FOXP1: variants seen among roughly 807,000 people sequenced by gnomAD.
FOXP1 encodes the protein forkhead box P1.
A neutral mutation model predicts 98.2 loss-of-function variants in FOXP1; 15 were observed. That is an observed-to-expected ratio of 0.15 (90% CI 0.10 to 0.24). The LOEUF is 0.24. Ranked by LOEUF, FOXP1 falls within the 10% of genes least tolerant of loss-of-function variation. FOXP1 has a pLI of 1.00. For synonymous variants in FOXP1, 371 were observed against 314.5 expected (o/e 1.18, Z -1.90); for missense variants, 633 against 848.5 (o/e 0.75, Z 3.15).
chr3:71,348,534 T>TGC lies in FOXP1; in HGVS notation c.-73+10615_-73+10616insGC, dbSNP rs762815816. ...GTGTGTGTGTGTGCGTGTGTGTGTG[T>TGC]GTGTGTGTGTGTGTGCGTGCGCGCG... On this transcript the variant is annotated intron_variant, in intron 4 of 20. Transcript: ENST00000649528. Among the ~76,000 whole-genome samples, 375 of 128,320 alleles carry TGC rather than the reference T, an allele frequency of 2.9e-3. 5 individuals are homozygous for TGC. Among genetic ancestry groups the TGC allele is most frequent in the Non-Finnish European group, 5.1e-3 (283 of 55,632 alleles). 84.2% of individuals were successfully genotyped at this position (128,320 alleles called of 152,430 possible). A position where few individuals can be genotyped will look rare whatever the true frequency, so the allele number is the denominator to read the frequency against.
At chr3:71,263,928 T>C (rs542576533) in intron 5 of FOXP1, among the ~76,000 whole-genome samples, 4 of 151,176 alleles carry the variant, frequency 2.6e-5, no homozygotes, top group Admixed American at 2.0e-4. Context: ...TTTTTTTTTT[T>C]AAATTAGAGA....
chr3:71,354,317 A>G (rs1287254381), intron 4 of FOXP1, among the ~76,000 whole-genome samples: 1 of 152,100 alleles, frequency 6.6e-6, no homozygotes, highest in East Asian at 1.9e-4. Context: ...ATTTAAGGAA[A>G]TTTAAGATGC....
intron 14 of FOXP1, among the ~76,000 whole-genome samples, chr3:70,980,370 C>G (rs1262741920): frequency 6.6e-6 from 1 of 152,136 alleles, no homozygotes; most frequent in Admixed American, 6.5e-5. Flanking sequence ...AATCTCAGAG[C>G]GCTTTGGAAA....
At chr3:71,121,135 G>C (rs765470635) in intron 6 of FOXP1, among the ~76,000 whole-genome samples, 1 of 150,556 alleles carries the variant, frequency 6.6e-6, no homozygotes, top group Non-Finnish European at 1.5e-5. Flanking sequence ...CATTAGCGTT[G>C]TGAGCTCAAA....
At chr3:71,480,492 C>T (rs962313032) in intron 3 of FOXP1, among the ~76,000 whole-genome samples, 23 of 152,212 alleles carry the variant, frequency 1.5e-4, no homozygotes, top group African/African-American at 5.1e-4. Flanking sequence ...CACAATGTTT[C>T]GTTCCCAAAT....
intron 6 of FOXP1, among the ~76,000 whole-genome samples, chr3:71,166,307 C>T (rs977922214): frequency 1.3e-5 from 2 of 152,110 alleles, no homozygotes; most frequent in African/African-American, 4.8e-5. Flanking sequence ...GAGCCGCTAG[C>T]GTGACCATCA....
intron 3 of FOXP1, among the ~76,000 whole-genome samples, chr3:71,376,551 G>GC (rs1335267637): frequency 6.6e-6 from 1 of 152,192 alleles, no homozygotes; most frequent in African/African-American, 2.4e-5. Context: ...TATTCATTTA[G>GC]TAGAAATACC....
intron 6 of FOXP1, 73 bp downstream of exon 6, chr3:71,198,129 C>T (rs878965207): frequency 8.7e-6 from 14 of 1,613,044 alleles, no homozygotes; most frequent in East Asian, 4.5e-5. Context: ...CGCGAGATCG[C>T]GATTAAGTGT....
chr3:71,182,976 T>C (rs971013346), intron 6 of FOXP1, among the ~76,000 whole-genome samples: 9 of 152,176 alleles, frequency 5.9e-5, no homozygotes, highest in Admixed American at 5.9e-4. Flanking sequence ...TTAAATGTTC[T>C]ACATTTTAAT....
At chr3:71,555,538 T>C (rs1245496062) in intron 2 of FOXP1, among the ~76,000 whole-genome samples, 1 of 152,184 alleles carries the variant, frequency 6.6e-6, no homozygotes, top group Non-Finnish European at 1.5e-5. Flanking sequence ...TAAACTGACA[T>C]AAATAGTCAC....
At chr3:71,376,840 G>T (rs1467464661) in intron 3 of FOXP1, among the ~76,000 whole-genome samples, 1 of 152,084 alleles carries the variant, frequency 6.6e-6, no homozygotes, top group East Asian at 1.9e-4. Flanking sequence ...CCAGAATGTA[G>T]AAACTGATGC....
In FOXP1 at chr3:71,211,701, T is replaced by A. The variant is rs556096462; in HGVS notation, c.-11-13309A>T. On this transcript the variant is annotated intron_variant, in intron 5 of 20. Coordinates refer to ENST00000649528, the MANE Select transcript of FOXP1 (RefSeq NM_001349338.3). The stretch of plus-strand genomic sequence containing the variant: ...AAGATTGGGAAGGACTGATTTTTCT[T>A]TTCACAACTCCTCCCCAGAATGAAA... Among the ~76,000 whole-genome samples, 9 of 152,294 alleles carry A rather than the reference T, an allele frequency of 5.9e-5. No individual in the cohort carries two copies. The South Asian group carries it at 1.9e-3, about 32-fold the overall frequency.
At chr3:71,014,037 C>T (rs2044071752) in intron 12 of FOXP1, among the ~76,000 whole-genome samples, 1 of 152,168 alleles carries the variant, frequency 6.6e-6, no homozygotes, top group Non-Finnish European at 1.5e-5. Flanking sequence ...GACCTAAAAA[C>T]CATAAAATCC....
intron 3 of FOXP1, among the ~76,000 whole-genome samples, chr3:71,422,745 G>A (rs1047965112): frequency 6.6e-6 from 1 of 152,146 alleles, no homozygotes; most frequent in Non-Finnish European, 1.5e-5. Flanking sequence ...GGATCTAGGG[G>A]ACAAACTTAA....
At chr3:71,555,554 T>C (rs188256614) in intron 2 of FOXP1, among the ~76,000 whole-genome samples, 14 of 152,228 alleles carry the variant, frequency 9.2e-5, no homozygotes, top group Non-Finnish European at 1.8e-4. Flanking sequence ...GTCACTTCTT[T>C]ATATAATTAT....
At chr3:71,221,216 A>G (rs977039090) in intron 5 of FOXP1, among the ~76,000 whole-genome samples, 1 of 152,178 alleles carries the variant, frequency 6.6e-6, no homozygotes, top group African/African-American at 2.4e-5. Flanking sequence ...AACGTGCATG[A>G]GAGGGATCTA....
chr3:70,976,333 C>A (rs1211468818), intron 17 of FOXP1, among the ~76,000 whole-genome samples: 1 of 152,268 alleles, frequency 6.6e-6, no homozygotes, highest in South Asian at 2.1e-4. Context: ...GGATTATAGG[C>A]ATGAGCCACT....
intron 20 of FOXP1, among the ~76,000 whole-genome samples, chr3:70,959,862 A>C (rs1275047623): frequency 1.3e-5 from 2 of 152,168 alleles, no homozygotes; most frequent in African/African-American, 4.8e-5. Context: ...ACAAGCCCCC[A>C]AGTGATGCCG....
intron 3 of FOXP1, among the ~76,000 whole-genome samples, chr3:71,388,613 T>C (rs2080781084): frequency 6.6e-6 from 1 of 152,128 alleles, no homozygotes; most frequent in African/African-American, 2.4e-5. Context: ...TAAATGAAGT[T>C]TCCTAAAGCA....
Sources: gnomAD v4.1 joint callset for allele counts (sites outside exome capture counted in the v4.1 genomes callset) on GRCh38, gnomAD v4.1.1 for gene constraint, MANE v1.5 for transcripts, NCBI Gene and HGNC (gene_info 2026-07-23, HGNC 2026-07-21) for gene names.